Variants in ABTB3 observed in about 807,000 individuals in gnomAD.
The protein encoded by ABTB3 is ankyrin repeat and BTB domain containing 3, also known as ankyrin repeat- and BTB/POZ domain-containing protein 3.
At chr12:107,569,059 T>C in the ABTB3 span, among the ~76,000 whole-genome samples, 3 of 152,200 alleles carry the variant, frequency 2.0e-5, no homozygotes, top group Admixed American at 6.5e-5. Context: ...TCCAAGTGGT[T>C]TATTACAAGG....
the ABTB3 span, among the ~76,000 whole-genome samples, chr12:107,585,873 A>G: frequency 1.3e-5 from 2 of 152,358 alleles, no homozygotes; most frequent in East Asian, 3.9e-4. Context: ...CCAGATAAGG[A>G]GAATTCCAAC....
chr12:107,366,021 C>T, the ABTB3 span, among the ~76,000 whole-genome samples: 4 of 152,226 alleles, frequency 2.6e-5, no homozygotes, highest in Non-Finnish European at 5.9e-5. Context: ...ACCACACATC[C>T]CTGATAGCAT....
the ABTB3 span, among the ~76,000 whole-genome samples, chr12:107,586,201 G>A: frequency 6.6e-6 from 1 of 152,070 alleles, no homozygotes. Context: ...GTATCTTATG[G>A]GGCAAGGGGC....
At chr12:107,567,140 A>T in the ABTB3 span, among the ~76,000 whole-genome samples, 1 of 152,212 alleles carries the variant, frequency 6.6e-6, no homozygotes, top group Non-Finnish European at 1.5e-5. Context: ...TAAATCCATC[A>T]TCAAGTCAAG....
the ABTB3 span, among the ~76,000 whole-genome samples, chr12:107,551,376 A>G: frequency 6.6e-6 from 1 of 152,358 alleles, no homozygotes; most frequent in Middle Eastern, 3.4e-3. Flanking sequence ...TTATTGACCC[A>G]AAAAGCAAAG....
the ABTB3 span, among the ~76,000 whole-genome samples, chr12:107,644,211 C>A: frequency 6.6e-6 from 1 of 152,316 alleles, no homozygotes; most frequent in East Asian, 1.9e-4. Flanking sequence ...TTCTAGAATA[C>A]CCTTCCTAAA....
At chr12:107,425,606 T>G in the ABTB3 span, among the ~76,000 whole-genome samples, 4 of 152,254 alleles carry the variant, frequency 2.6e-5, no homozygotes, top group Non-Finnish European at 4.4e-5. Context: ...GAATTGCTCC[T>G]TTTGTAAAGA....
At chr12:107,356,294 A>T in the ABTB3 span, among the ~76,000 whole-genome samples, 1 of 152,228 alleles carries the variant, frequency 6.6e-6, no homozygotes, top group African/African-American at 2.4e-5. Flanking sequence ...TTGGTAAATG[A>T]TGAATGAATT....
chr12:107,356,911 A>G, the ABTB3 span, among the ~76,000 whole-genome samples: 1 of 152,236 alleles, frequency 6.6e-6, no homozygotes, highest in Non-Finnish European at 1.5e-5. Context: ...TCAGAATCAG[A>G]CCATCTGGGC....
At chr12:107,482,871 CT>C in the ABTB3 span, among the ~76,000 whole-genome samples, 11 of 147,268 alleles carry the variant, frequency 7.5e-5, no homozygotes, top group Admixed American at 5.4e-4. Context: ...CTCTCTCTTT[CT>C]TTCTTCTTTT....
At chr12:107,649,270 T>C in the ABTB3 span, 14 of 1,612,598 alleles carry the variant, frequency 8.7e-6, no homozygotes, top group East Asian at 6.7e-5. Flanking sequence ...AATGAGATCA[T>C]GGAGGTAAGG....
the ABTB3 span, among the ~76,000 whole-genome samples, chr12:107,444,144 G>A: frequency 0.051 from 7,771 of 152,294 alleles, 637 homozygotes; most frequent in African/African-American, 0.18. Flanking sequence ...GAAGGCTGGC[G>A]GAAGGTCAGG....
the ABTB3 span, among the ~76,000 whole-genome samples, chr12:107,389,737 G>T: frequency 5.9e-3 from 900 of 151,800 alleles, 6 homozygotes; most frequent in African/African-American, 0.02. Context: ...TAGCCGGGGG[G>T]CTCTACTGGA....
At chr12:107,636,952 G>A in the ABTB3 span, among the ~76,000 whole-genome samples, 3 of 152,192 alleles carry the variant, frequency 2.0e-5, no homozygotes, top group African/African-American at 7.2e-5. Context: ...TGAATTTGCT[G>A]AGGTTTCTTT....
the ABTB3 span, among the ~76,000 whole-genome samples, chr12:107,473,805 CTT>C: frequency 7.7e-5 from 11 of 142,230 alleles, no homozygotes; most frequent in Admixed American, 1.4e-4. Flanking sequence ...TTTTCTTTTT[CTT>C]TTTTTTTTTT....
At chr12:107,457,305 G>C in the ABTB3 span, among the ~76,000 whole-genome samples, 1 of 152,200 alleles carries the variant, frequency 6.6e-6, no homozygotes, top group Admixed American at 6.5e-5. Flanking sequence ...GGAACTTTGA[G>C]ATATGGCACC....
the ABTB3 span, among the ~76,000 whole-genome samples, chr12:107,627,227 T>G: frequency 2.0e-5 from 3 of 152,202 alleles, no homozygotes; most frequent in Non-Finnish European, 4.4e-5. Flanking sequence ...CTTGTTTCAT[T>G]TCTTCACTCC....
At chr12:107,653,059 C>CCAT in the ABTB3 span, among the ~76,000 whole-genome samples, 1 of 152,180 alleles carries the variant, frequency 6.6e-6, no homozygotes, top group East Asian at 1.9e-4. Context: ...CAGGCATGAG[C>CCAT]CATCGCACCC....
chr12:107,622,325 A>G, the ABTB3 span, among the ~76,000 whole-genome samples: 22 of 152,298 alleles, frequency 1.4e-4, 1 homozygote, highest in South Asian at 4.6e-3. Context: ...CTTGTGGTCA[A>G]AAGAAAAACT....
Sources: allele counts gnomAD v4.1 joint callset (sites outside exome capture counted in the v4.1 genomes callset), GRCh38; gene constraint gnomAD v4.1.1; transcripts MANE v1.5; gene names NCBI Gene and HGNC (gene_info 2026-07-23, HGNC 2026-07-21).